Variants in DYSF observed in about 807,000 individuals in gnomAD.
The protein encoded by DYSF is dystrophy-associated fer-1-like 1.
In DYSF, 212 loss-of-function variants were observed where a neutral mutation model predicts 274.9. The observed-to-expected ratio is 0.77, with a 90% CI of 0.69 to 0.86. The LOEUF is 0.86. Ranked by LOEUF, DYSF falls within the 40% of genes least tolerant of loss-of-function variation. DYSF has a pLI of 0.00. For synonymous variants in DYSF, 1,091 were observed against 1,078.7 expected (o/e 1.01, Z -0.22); for missense variants, 2,666 against 2,783.2 (o/e 0.96, Z 0.95).
rs1028916592 is a variant in DYSF at position 71,660,853 on chromosome 2, A to C, written c.5003+202A>C. ...AGACTTGATCCCAACAGAAGCTCCT[A>C]GTTAAATGCTAAACAATTACGTCTA... On this transcript the variant is annotated intron_variant, in intron 45 of 55. Coordinates refer to ENST00000410020, the MANE Select transcript of DYSF (RefSeq NM_001130987.2). Among the ~76,000 whole-genome samples the C allele has an allele frequency of 3.9e-5, 6 of 152,180 alleles. 1 individual carries two copies. The highest frequency in any genetic ancestry group is 8.8e-5 in the Non-Finnish European group (6 of 68,020).
At chr2:71,545,751 CT>C (rs1162432764) in intron 17 of DYSF, among the ~76,000 whole-genome samples, 1 of 152,172 alleles carries the variant, frequency 6.6e-6, no homozygotes, top group Admixed American at 6.5e-5. Flanking sequence ...CACCAGCCCC[CT>C]GATGGAGAGT....
chr2:71,581,435 G>A (rs954585803), intron 30 of DYSF, among the ~76,000 whole-genome samples: 2 of 152,228 alleles, frequency 1.3e-5, no homozygotes, highest in African/African-American at 4.8e-5. Flanking sequence ...GTGTTCCTGT[G>A]TTCCGTTCTG....
intron 47 of DYSF, among the ~76,000 whole-genome samples, chr2:71,666,130 C>A (rs72904653): frequency 7.2e-5 from 11 of 152,098 alleles, no homozygotes; most frequent in Admixed American, 2.6e-4. Context: ...GCCCTGCCCC[C>A]CTTCATTCCC....
At chr2:71,504,692 A>G (rs1448358607) in intron 4 of DYSF, among the ~76,000 whole-genome samples, 2 of 152,182 alleles carry the variant, frequency 1.3e-5, no homozygotes, top group Admixed American at 1.3e-4. Flanking sequence ...GGACACCAGC[A>G]TCTCTCCACT....
intron 41 of DYSF, among the ~76,000 whole-genome samples, chr2:71,639,840 C>G (rs1034866277): frequency 1.3e-5 from 2 of 152,214 alleles, no homozygotes; most frequent in Admixed American, 1.3e-4. Context: ...CGTGCCCCAC[C>G]AGCAGTTTGT....
chr2:71,678,632 T>C (rs13022201), intron 52 of DYSF, among the ~76,000 whole-genome samples: 36,865 of 151,998 alleles, frequency 0.24, 4,756 homozygotes, highest in African/African-American at 0.27. Context: ...ATTGTGGCTG[T>C]AATTAAAGCC....
chr2:71,660,793 G>T, intron 45 of DYSF, 142 bp downstream of exon 45: 1 of 741,444 alleles, frequency 1.3e-6, no homozygotes, highest in East Asian at 2.8e-5. Flanking sequence ...TGTCTATGGG[G>T]GCATAGCCTC....
At chr2:71,576,505 G>A (rs2092703165) in intron 30 of DYSF, 2 of 157,582 alleles carry the variant, frequency 1.3e-5, no homozygotes, top group South Asian at 2.0e-4. Context: ...AAGGGTTTGG[G>A]GAGGGAAGGG....
At chr2:71,512,000 C>A in intron 5 of DYSF, 79 bp downstream of exon 5, 1 of 957,532 alleles carries the variant, frequency 1.0e-6, no homozygotes, top group Non-Finnish European at 1.6e-6. Flanking sequence ...CTGGGAGCTG[C>A]AGCGAGGCTT....
chr2:71,678,659 AAC>A, intron 52 of DYSF, among the ~76,000 whole-genome samples: 1 of 152,330 alleles, frequency 6.6e-6, no homozygotes, highest in Middle Eastern at 3.4e-3. Context: ...TTGTACACTT[AAC>A]ATGGTTAAAA....
intron 4 of DYSF, among the ~76,000 whole-genome samples, chr2:71,511,504 G>A (rs899101056): frequency 1.3e-5 from 2 of 152,212 alleles, no homozygotes; most frequent in African/African-American, 4.8e-5. Flanking sequence ...CTGTGAGGAA[G>A]GTGCTATTGC....
At chr2:71,524,798 TG>T (rs1395640860) in intron 12 of DYSF, among the ~76,000 whole-genome samples, 2 of 152,242 alleles carry the variant, frequency 1.3e-5, no homozygotes, top group Non-Finnish European at 2.9e-5. Context: ...GGTCTCAAGC[TG>T]GGAAGCATTT....
chr2:71,466,987 G>A (rs1573283588), intron 1 of DYSF, 54 bp downstream of exon 1: 1 of 1,532,992 alleles, frequency 6.5e-7, no homozygotes, highest in Non-Finnish European at 8.8e-7. Flanking sequence ...GACTCTCGGC[G>A]CTCACTGGCG....
In DYSF at chr2:71,645,605, A is replaced by G. The variant is rs936997719; in HGVS notation, c.4626+1542A>G. Among the ~76,000 whole-genome samples the G allele has an allele frequency of 4.7e-5, 7 of 148,942 alleles. No individual in the cohort carries two copies. In the South Asian group the frequency reaches 1.3e-3, roughly 28 times the overall value. On this transcript the variant is annotated intron_variant, in intron 42 of 55. Transcript: ENST00000410020. Reference sequence around the variant, plus strand: ...CCAGGATGGTCTTGGGAAATGCAGCATTTGGGCAAGAAAACAGAAATGCCT... The same window carrying G: ...CCAGGATGGTCTTGGGAAATGCAGCGTTTGGGCAAGAAAACAGAAATGCCT...
intron 36 of DYSF, among the ~76,000 whole-genome samples, chr2:71,606,494 G>A (rs1355575587): frequency 1.3e-5 from 2 of 152,164 alleles, no homozygotes; most frequent in African/African-American, 4.8e-5. Flanking sequence ...CCCAGTTGCA[G>A]TGAGGGTCGC....
rs139974675 is a variant in DYSF at position 71,508,876 on chromosome 2, G to A, written c.346-2931G>A. Among the ~76,000 whole-genome samples the A allele has an allele frequency of 1.6e-3, 249 of 152,146 alleles. 1 individual carries two copies. The highest frequency in any genetic ancestry group is 5.9e-3 in the African/African-American group (243 of 41,504). ...TTTGTATTTTTACTTTTTTTGAGACGGTATGTCACTCTGCTGCCCAGGCTG... is the reference window on the plus strand; with the variant it reads ...TTTGTATTTTTACTTTTTTTGAGACAGTATGTCACTCTGCTGCCCAGGCTG... On this transcript the variant is annotated intron_variant, in intron 4 of 55. Transcript: ENST00000410020.
chr2:71,561,884 C>G lies in DYSF; in HGVS notation c.2349C>G (p.Leu783=). 1.2e-6 allele frequency: 2 copies of G among 1,614,180 alleles called. No individual in the cohort carries two copies. Among genetic ancestry groups the G allele is most frequent in the South Asian group, 2.2e-5 (2 of 91,086 alleles). ...CCCTGAAGCTCGGCCACAGTGAGCTCCCTGCAGCTCTGGAGCAGGCGGAGG... is the reference window on the plus strand; with the variant it reads ...CCCTGAAGCTCGGCCACAGTGAGCTGCCTGCAGCTCTGGAGCAGGCGGAGG... The part of the protein sequence containing the change: ...ALALKLGHSE[L]PAALEQAEDW... Residue 783 remains leucine, a synonymous_variant, in exon 23 of 56, where the codon CTC becomes CTG. Coordinates refer to ENST00000410020, the MANE Select transcript of DYSF (RefSeq NM_001130987.2).
At chr2:71,473,520 T>A (rs564881564) in intron 1 of DYSF, among the ~76,000 whole-genome samples, 1 of 152,318 alleles carries the variant, frequency 6.6e-6, no homozygotes, top group African/African-American at 2.4e-5. Context: ...GATGCAGCTG[T>A]CTCTCTGTCT....
intron 12 of DYSF, among the ~76,000 whole-genome samples, chr2:71,522,761 C>G (rs1057190517): frequency 6.6e-6 from 1 of 152,138 alleles, no homozygotes; most frequent in Non-Finnish European, 1.5e-5. Flanking sequence ...TTGCTGCCCA[C>G]TCCCCACACC....
Sources: allele counts gnomAD v4.1 joint callset (sites outside exome capture counted in the v4.1 genomes callset), GRCh38; gene constraint gnomAD v4.1.1; transcripts MANE v1.5; gene names NCBI Gene and HGNC (gene_info 2026-07-23, HGNC 2026-07-21).